Variants in ARHGEF12 observed in about 807,000 individuals in gnomAD.
ARHGEF12 encodes the protein KMT2A/ARHGEF12 fusion protein.
In ARHGEF12, 66 loss-of-function variants were observed where a neutral mutation model predicts 211.2. That is an observed-to-expected ratio of 0.31 (90% CI 0.26 to 0.38). The LOEUF is 0.38. Ranked by LOEUF, ARHGEF12 falls within the 10% of genes least tolerant of loss-of-function variation. The pLI is 1.00. For missense variants in ARHGEF12, 1,429 were observed against 1,869.5 expected (o/e 0.76, Z 4.34); for synonymous variants, 592 against 638.4 (o/e 0.93, Z 1.09).
chr11:120,383,426 T>A, intron 1 of ARHGEF12, among the ~76,000 whole-genome samples: 1 of 152,292 alleles, frequency 6.6e-6, no homozygotes, highest in Non-Finnish European at 1.5e-5. Flanking sequence ...ATTATTACAT[T>A]GTAATGTATA....
rs36062191 is a variant in ARHGEF12 at position 120,347,246 on chromosome 11, T to TTC, written c.32+9991_32+9992dup. The stretch of plus-strand genomic sequence containing the variant: ...TTTCTTTCTCTCTGTCTCTCTCTGT[T>TTC]TCTCTCTCTCTCTCTCTCTCTGTCT... On this transcript the variant is annotated intron_variant, in intron 1 of 40. Transcript: ENST00000397843. Among the ~76,000 whole-genome samples, 694 of 130,452 alleles carry TTC rather than the reference T, an allele frequency of 5.3e-3. 5 individuals are homozygous for TTC. Among genetic ancestry groups the TTC allele is most frequent in the African/African-American group, 0.015 (518 of 34,016 alleles). 85.6% of individuals were successfully genotyped at this position (130,452 alleles called of 152,430 possible). A position where few individuals can be genotyped will look rare whatever the true frequency, so the allele number is the denominator to read the frequency against.
intron 1 of ARHGEF12, among the ~76,000 whole-genome samples, chr11:120,391,958 TACTTA>T (rs2135501232): frequency 6.6e-6 from 1 of 152,338 alleles, no homozygotes; most frequent in African/African-American, 2.4e-5. Flanking sequence ...AAACAGACTG[TACTTA>T]ACTTCCTTAG....
chr11:120,461,234 A>G (rs1328844933), intron 27 of ARHGEF12, among the ~76,000 whole-genome samples: 1 of 152,168 alleles, frequency 6.6e-6, no homozygotes, highest in African/African-American at 2.4e-5. Flanking sequence ...TATGAAATAT[A>G]TTTCTTAAAT....
rs71473103 is a variant in ARHGEF12 at position 120,344,265 on chromosome 11, C to CAAAAAAAAA, written c.32+7011_32+7019dup. ...TGGATGACAGAGCAAGACTCCGTCT[C>CAAAAAAAAA]AAAAAAAAAAAAAAAAAAAAAAAAA... On this transcript the variant is annotated intron_variant, in intron 1 of 40. Transcript: ENST00000397843. Among the ~76,000 whole-genome samples the CAAAAAAAAA allele has an allele frequency of 6.8e-4, 36 of 53,024 alleles. 2 individuals carry two copies. The highest frequency in any genetic ancestry group is 2.5e-3 in the African/African-American group (34 of 13,864). 34.8% of individuals were successfully genotyped at this position (53,024 alleles called of 152,430 possible).
At chr11:120,474,807 A>T (rs575714684) in intron 32 of ARHGEF12, among the ~76,000 whole-genome samples, 172 bp downstream of exon 32, 1 of 152,178 alleles carries the variant, frequency 6.6e-6, no homozygotes, top group Admixed American at 6.5e-5. Flanking sequence ...TATATGTAAG[A>T]TGTGTTAAAT....
intron 1 of ARHGEF12, among the ~76,000 whole-genome samples, chr11:120,354,608 AC>A (rs1943080827): frequency 6.6e-6 from 1 of 152,132 alleles, no homozygotes; most frequent in South Asian, 2.1e-4. Flanking sequence ...TTGTTTTTTA[AC>A]CCTTTTTGGT....
At chr11:120,372,835 C>CA (rs771663643) in intron 1 of ARHGEF12, among the ~76,000 whole-genome samples, 31 of 152,172 alleles carry the variant, frequency 2.0e-4, no homozygotes, top group Middle Eastern at 3.4e-3. Context: ...ATGTCTACTT[C>CA]ATAGGACTTC....
At chr11:120,460,033 T>C (rs1156680600) in intron 26 of ARHGEF12, among the ~76,000 whole-genome samples, 1 of 152,218 alleles carries the variant, frequency 6.6e-6, no homozygotes, top group Non-Finnish European at 1.5e-5. Context: ...TATTGTTTTG[T>C]TGCTTGGAAC....
intron 1 of ARHGEF12, among the ~76,000 whole-genome samples, chr11:120,403,768 C>T (rs980644884): frequency 6.6e-6 from 1 of 152,198 alleles, no homozygotes; most frequent in African/African-American, 2.4e-5. Context: ...GTCATAGTCA[C>T]ATACAGCTGT....
intron 16 of ARHGEF12, among the ~76,000 whole-genome samples, chr11:120,446,102 G>T (rs1032749513): frequency 9.9e-5 from 15 of 151,760 alleles, no homozygotes; most frequent in African/African-American, 3.6e-4. Context: ...GGAGGCTGAG[G>T]CAGGAGAATG....
chr11:120,424,097 T>C (rs1389535460), intron 6 of ARHGEF12, among the ~76,000 whole-genome samples: 1 of 152,218 alleles, frequency 6.6e-6, no homozygotes, highest in Admixed American at 6.5e-5. Flanking sequence ...TTTCATGTTA[T>C]GTTTTGTCAT....
At chr11:120,480,518 C>CAGGTGTGT (rs1179559985) in intron 38 of ARHGEF12, 88 bp downstream of exon 38, 8 of 1,252,200 alleles carry the variant, frequency 6.4e-6, no homozygotes, top group Non-Finnish European at 8.9e-6. Flanking sequence ...TATTGGTATC[C>CAGGTGTGT]AGGTGTGTGT....
intron 1 of ARHGEF12, among the ~76,000 whole-genome samples, chr11:120,343,387 A>G (rs547042709): frequency 2.2e-4 from 33 of 152,378 alleles, no homozygotes; most frequent in African/African-American, 7.2e-4. Context: ...TGGAATCATC[A>G]AGATAGTCAT....
chr11:120,431,633 C>G (rs1391157514), intron 10 of ARHGEF12, 138 bp from the exon 11 acceptor site: 1 of 820,230 alleles, frequency 1.2e-6, no homozygotes, highest in Non-Finnish European at 1.7e-6. Context: ...GAATTTTAAA[C>G]ATACTTGAGC....
At chr11:120,474,801 T>C (rs1946981293) in intron 32 of ARHGEF12, among the ~76,000 whole-genome samples, 166 bp downstream of exon 32, 1 of 152,156 alleles carries the variant, frequency 6.6e-6, no homozygotes, top group Non-Finnish European at 1.5e-5. Context: ...TTTCATTATA[T>C]GTAAGATGTG....
intron 1 of ARHGEF12, among the ~76,000 whole-genome samples, chr11:120,361,483 C>T (rs1330251320): frequency 2.6e-5 from 4 of 152,204 alleles, no homozygotes; most frequent in Admixed American, 2.0e-4. Context: ...GTCTGCTCAT[C>T]TATAGAATCT....
chr11:120,480,106 G>A lies in ARHGEF12; in HGVS notation c.3913G>A (p.Ala1305Thr), dbSNP rs751776592. Residue 1305 changes from alanine (A) to threonine (T), a missense_variant, in exon 38 of 41, where the codon GCC becomes ACC. Around this residue, in one of 7 missense-constraint regions of ARHGEF12, gnomAD observed 467 missense variants for 468.4 expected, o/e 1.00. Transcript: ENST00000397843. ...CATCCAGAACTCTGAAAATATTAAG[G>A]CCTATCATTCTGGTGAAGGACATAT... ...SVIQNSENIK[A>T]YHSGEGHMPF... 1 of 1,614,062 alleles carries A rather than the reference G, an allele frequency of 6.2e-7. No homozygotes were observed. Among genetic ancestry groups the A allele is most frequent in the African/African-American group, 1.3e-5 (1 of 74,928 alleles).
chr11:120,421,669 C>T (rs1591570257), intron 5 of ARHGEF12, 134 bp from the exon 6 acceptor site: 1 of 735,216 alleles, frequency 1.4e-6, no homozygotes, highest in Non-Finnish European at 2.4e-6. Flanking sequence ...ATCTCTTGAC[C>T]TCGTGATCCG....
At chr11:120,465,497 C>T (rs777618173) in intron 28 of ARHGEF12, 135 bp downstream of exon 28, 12 of 1,139,508 alleles carry the variant, frequency 1.1e-5, no homozygotes, top group South Asian at 3.2e-5. Flanking sequence ...GACAGGGTCT[C>T]GCTGTGTTGC....
Sources: allele counts gnomAD v4.1 joint callset (sites outside exome capture counted in the v4.1 genomes callset), GRCh38; gene constraint gnomAD v4.1.1; regional missense constraint gnomAD v4.1.1; transcripts MANE v1.5; gene names NCBI Gene and HGNC (gene_info 2026-07-23, HGNC 2026-07-21).